The following XRCC5 variants were observed in gnomAD, a reference collection of about 807,000 sequenced individuals.
XRCC5 encodes X-ray repair cross complementing 5.
A neutral mutation model predicts 95.7 loss-of-function variants in XRCC5; 12 were observed. The observed-to-expected ratio is 0.13, with a 90% CI of 0.08 to 0.20. The LOEUF (loss-of-function observed/expected upper bound fraction) is 0.20. XRCC5 is among the 10% of genes least tolerant of loss of function. XRCC5 has a pLI of 1.00. For missense variants in XRCC5, 595 were observed against 873.9 expected (o/e 0.68, Z 4.02); for synonymous variants, 281 against 290.3 (o/e 0.97, Z 0.33).
Position 216,151,180 on chromosome 2 carries a change from G to A in XRCC5, c.1670+2904G>A, listed in dbSNP as rs540364979. Among the ~76,000 whole-genome samples the A allele has an allele frequency of 1.8e-4, 27 of 152,286 alleles. No homozygotes were observed. The East Asian group carries it at 3.5e-3, about 20-fold the overall frequency. On this transcript the variant is annotated intron_variant, in intron 14 of 20. Transcript: ENST00000392132. ...ACTTGTTGAATACCTAGTGTTAGAAGTGATTTCATTTCAAGAGGATAAGAG... is the reference window on the plus strand; with the variant it reads ...ACTTGTTGAATACCTAGTGTTAGAAATGATTTCATTTCAAGAGGATAAGAG...
chr2:216,151,999 G>T (rs1262562104), intron 14 of XRCC5, among the ~76,000 whole-genome samples: 1 of 152,160 alleles, frequency 6.6e-6, no homozygotes, highest in African/African-American at 2.4e-5. Context: ...GTGTATATCA[G>T]CACAGAAGAA....
intron 14 of XRCC5, among the ~76,000 whole-genome samples, chr2:216,155,293 T>G (rs1329740198): frequency 1.3e-5 from 2 of 150,956 alleles, no homozygotes; most frequent in African/African-American, 2.4e-5. Context: ...AAGGACCTCT[T>G]GGCAAATCAA....
At position 216,170,742 on chromosome 2, in the gene XRCC5, G is replaced by C. The variant is rs1689149795; in HGVS notation, c.1834+8694G>C. On this transcript the variant is annotated intron_variant, in intron 16 of 20. Transcript: ENST00000392132. The stretch of plus-strand genomic sequence containing the variant: ...TCCGATGGAAATGCAGAACTCTTGG[G>C]TGCTTAGGAGAAAGGGCCTGCAGCT... Among the ~76,000 whole-genome samples the C allele has an allele frequency of 4.6e-5, 7 of 152,322 alleles. No homozygotes were observed. In the South Asian group the frequency reaches 1.4e-3, roughly 32 times the overall value.
rs912128542 is a variant in XRCC5, at chr2:216,138,006, T to C, written c.1252-83T>C. 182 of 1,203,206 alleles carry C rather than the reference T, an allele frequency of 1.5e-4. 1 individual carries two copies. The highest frequency in any genetic ancestry group is 1.3e-4 in the Non-Finnish European group (114 of 847,184). The allele number at this position is 1,203,206 out of a possible 1,614,324, so 74.5% of individuals were successfully genotyped here. A position where few individuals can be genotyped will look rare whatever the true frequency, so the allele number is the denominator to read the frequency against. On this transcript the variant is annotated intron_variant, in intron 11 of 20. Transcript: ENST00000392132. ...GATTTTTGAAATATTTCTGTTATGC[T>C]ACTTTCACAGAATTTGGGATCAGTT...
chr2:216,151,790 C>G (rs1028279684), intron 14 of XRCC5, among the ~76,000 whole-genome samples: 2 of 152,092 alleles, frequency 1.3e-5, no homozygotes, highest in African/African-American at 4.8e-5. Context: ...GTGACAATGA[C>G]AGTAGAGGCC....
chr2:216,195,246 A>T (rs1158658111), intron 19 of XRCC5, among the ~76,000 whole-genome samples: 1 of 152,118 alleles, frequency 6.6e-6, no homozygotes, highest in East Asian at 1.9e-4. Flanking sequence ...TGAACCCCAT[A>T]GTGCGCAAAC....
chr2:216,147,303 T>C (rs1269646161), intron 13 of XRCC5, among the ~76,000 whole-genome samples: 1 of 152,042 alleles, frequency 6.6e-6, no homozygotes, highest in Non-Finnish European at 1.5e-5. Flanking sequence ...GCCCAGCCTA[T>C]TGGGGTTGTG....
chr2:216,118,176 G>GT (rs796937806), intron 4 of XRCC5, among the ~76,000 whole-genome samples: 1,595 of 140,520 alleles, frequency 0.011, 22 homozygotes, highest in African/African-American at 0.033. Flanking sequence ...GTTTTTTGTT[G>GT]TTTTTTTTTT....
At chr2:216,121,426 C>G (rs1696808440) in intron 5 of XRCC5, among the ~76,000 whole-genome samples, 1 of 152,202 alleles carries the variant, frequency 6.6e-6, no homozygotes, top group Non-Finnish European at 1.5e-5. Flanking sequence ...GATTTGGTGT[C>G]TGCTGAGAGA....
intron 18 of XRCC5, among the ~76,000 whole-genome samples, 199 bp downstream of exon 18, chr2:216,192,934 A>G (rs2106048702): frequency 6.6e-6 from 1 of 152,324 alleles, no homozygotes; most frequent in Non-Finnish European, 1.5e-5. Context: ...GCATAAATAC[A>G]GAGTGATAAA....
At chr2:216,132,437 G>A in intron 10 of XRCC5, 50 bp downstream of exon 10, 1 of 1,578,798 alleles carries the variant, frequency 6.3e-7, no homozygotes. Context: ...TGAATTGTAA[G>A]TCTATGAAAG....
At chr2:216,118,936 C>G in intron 4 of XRCC5, 107 bp from the exon 5 acceptor site, 1 of 1,177,096 alleles carries the variant, frequency 8.5e-7, no homozygotes, top group Non-Finnish European at 1.2e-6. Flanking sequence ...CATTTATTAA[C>G]TCTAGATCCA....
chr2:216,163,742 TC>T (rs1688997686), intron 16 of XRCC5, among the ~76,000 whole-genome samples: 1 of 152,208 alleles, frequency 6.6e-6, no homozygotes, highest in Non-Finnish European at 1.5e-5. Context: ...CAGCTGAGCC[TC>T]AGAGAGAGCT....
chr2:216,144,799 G>GA, intron 13 of XRCC5, among the ~76,000 whole-genome samples: 1 of 152,328 alleles, frequency 6.6e-6, no homozygotes, highest in East Asian at 1.9e-4. Flanking sequence ...AAAGACAAGT[G>GA]AGTAAGATTG....
intron 10 of XRCC5, among the ~76,000 whole-genome samples, chr2:216,135,920 G>C (rs992333622): frequency 6.6e-6 from 1 of 152,088 alleles, no homozygotes; most frequent in Non-Finnish European, 1.5e-5. Context: ...GAATGAGGGG[G>C]AAAGATAGTA....
rs779704377 is a variant in XRCC5 at position 216,130,942 on chromosome 2, G to C, written c.1005G>C (p.Ser335=). 5.0e-5 allele frequency: 80 copies of C among 1,613,530 alleles called. No homozygotes were observed. In the Middle Eastern group the frequency reaches 8.3e-4, roughly 17 times the overall value. Residue 335 remains serine (S), a synonymous_variant, in exon 9 of 21, where the codon TCG becomes TCC. Transcript: ENST00000392132. ...KVDEEQMKYK[S]EGKCFSVLGF... ...ATGAGGAACAAATGAAATATAAATC[G>C]GAGGGGAAGTGCTTCTCTGTTTTGG...
At chr2:216,164,281 T>G (rs1689012231) in intron 16 of XRCC5, among the ~76,000 whole-genome samples, 1 of 152,228 alleles carries the variant, frequency 6.6e-6, no homozygotes, top group Admixed American at 6.5e-5. Context: ...CGTTTGGAAG[T>G]GATTGGACTC....
chr2:216,144,786 CAGAA>C (rs929367783), intron 13 of XRCC5, among the ~76,000 whole-genome samples: 47 of 152,234 alleles, frequency 3.1e-4, no homozygotes, highest in Admixed American at 9.8e-4. Context: ...CTCATTGAGG[CAGAA>C]AGACAAGTGA....
At chr2:216,169,635 C>T (rs891980572) in intron 16 of XRCC5, among the ~76,000 whole-genome samples, 1 of 152,146 alleles carries the variant, frequency 6.6e-6, no homozygotes, top group African/African-American at 2.4e-5. Context: ...CGACTTAACC[C>T]TTGCCTGGCA....
Sources: allele counts gnomAD v4.1 joint callset (sites outside exome capture counted in the v4.1 genomes callset), GRCh38; gene constraint gnomAD v4.1.1; transcripts MANE v1.5; gene names NCBI Gene and HGNC (gene_info 2026-07-23, HGNC 2026-07-21).